The following GABRB1 variants were observed in gnomAD, a reference collection of about 807,000 sequenced individuals.
GABRB1 encodes the protein gamma-aminobutyric acid receptor subunit beta-1.
Under a neutral mutation model 51.6 loss-of-function variants are expected in GABRB1, and 17 were observed. That is an observed-to-expected ratio of 0.33 (90% CI 0.23 to 0.49). The LOEUF (loss-of-function observed/expected upper bound fraction) is 0.49. Ranked by LOEUF, GABRB1 falls within the 20% of genes least tolerant of loss-of-function variation. The pLI, the probability that GABRB1 is intolerant of heterozygous loss-of-function variation, is 0.99. For missense variants in GABRB1, 410 were observed against 600.6 expected, an observed-to-expected ratio of 0.68 and a Z score of 3.32; for synonymous variants, 247 against 218.9, an observed-to-expected ratio of 1.13 and a Z score of -1.14.
intron 5 of GABRB1, among the ~76,000 whole-genome samples, chr4:47,332,636 G>T (rs1036172657): frequency 4.6e-5 from 7 of 152,042 alleles, no homozygotes; most frequent in African/African-American, 1.7e-4. Flanking sequence ...GTGGAAGGTG[G>T]GTCCTAGCAC....
chr4:47,314,297 T>C (rs1056528893), intron 4 of GABRB1, among the ~76,000 whole-genome samples: 1 of 151,944 alleles, frequency 6.6e-6, no homozygotes, highest in South Asian at 2.1e-4. Context: ...AAAGTTGGGT[T>C]TTTTAAAAAT....
intron 5 of GABRB1, among the ~76,000 whole-genome samples, chr4:47,328,605 A>C (rs1725342604): frequency 1.3e-5 from 2 of 152,218 alleles, no homozygotes; most frequent in Non-Finnish European, 2.9e-5. Context: ...TGATGAGTTC[A>C]TATCCTTTGT....
chr4:47,119,510 CTTTTTTTTTT>C (rs71195603), intron 3 of GABRB1, among the ~76,000 whole-genome samples: 1 of 139,192 alleles, frequency 7.2e-6, no homozygotes, highest in Non-Finnish European at 1.6e-5. Context: ...CTTTTTCTTT[CTTTTTTTTTT>C]TTTTTGAGAC....
At chr4:47,225,896 C>CAAA (rs1720929865) in intron 4 of GABRB1, among the ~76,000 whole-genome samples, 1 of 151,960 alleles carries the variant, frequency 6.6e-6, no homozygotes, top group African/African-American at 2.4e-5. Flanking sequence ...ATTGATCATC[C>CAAA]AAAAATATCA....
intron 4 of GABRB1, among the ~76,000 whole-genome samples, chr4:47,171,631 A>T (rs1718438507): frequency 6.6e-6 from 1 of 152,124 alleles, no homozygotes; most frequent in Admixed American, 6.5e-5. Context: ...TTTAAAGAAA[A>T]CTTTCATTAG....
At chr4:47,154,774 G>A (rs1298133922) in intron 3 of GABRB1, among the ~76,000 whole-genome samples, 1 of 152,042 alleles carries the variant, frequency 6.6e-6, no homozygotes, top group African/African-American at 2.4e-5. Context: ...GACAGTCTTC[G>A]TGAACCTGTT....
chr4:47,218,814 C>T (rs971664148), intron 4 of GABRB1, among the ~76,000 whole-genome samples: 1 of 151,796 alleles, frequency 6.6e-6, no homozygotes, highest in Non-Finnish European at 1.5e-5. Flanking sequence ...TGAAACAGTG[C>T]TCCACCATCT....
At chr4:47,169,912 G>A (rs1327187312) in intron 4 of GABRB1, among the ~76,000 whole-genome samples, 1 of 152,154 alleles carries the variant, frequency 6.6e-6, no homozygotes, top group Non-Finnish European at 1.5e-5. Flanking sequence ...AGTTGTCTAT[G>A]TATGGTGATT....
intron 1 of GABRB1, among the ~76,000 whole-genome samples, chr4:47,012,084 T>G (rs1436819654): frequency 6.6e-6 from 1 of 152,216 alleles, no homozygotes; most frequent in African/African-American, 2.4e-5. Flanking sequence ...AAACACCATA[T>G]TGAATTTGGT....
chr4:47,176,634 G>T (rs1212109604), intron 4 of GABRB1, among the ~76,000 whole-genome samples: 1 of 152,010 alleles, frequency 6.6e-6, no homozygotes, highest in Non-Finnish European at 1.5e-5. Context: ...TAATGGCCTT[G>T]GTGACTGTAT....
Position 47,043,527 on chromosome 4 carries a change from T to C in GABRB1, c.240+11043T>C, listed in dbSNP as rs1334161605. Among the ~76,000 whole-genome samples, 4 of 152,232 alleles carry C rather than the reference T, an allele frequency of 2.6e-5. No individual in the cohort carries two copies. In the South Asian group the frequency reaches 8.3e-4, roughly 32 times the overall value. ...GTTACCAGACATAAATTTAACTTGA[T>C]GAATTATGTGTTTGCATAGTCACTG... On this transcript the variant is annotated intron_variant, in intron 3 of 8. Coordinates refer to ENST00000295454, the MANE Select transcript of GABRB1 (RefSeq NM_000812.4).
intron 5 of GABRB1, among the ~76,000 whole-genome samples, chr4:47,377,798 G>A (rs1476371505): frequency 6.6e-6 from 1 of 152,126 alleles, no homozygotes; most frequent in Non-Finnish European, 1.5e-5. Context: ...CCCCACCAGA[G>A]TAGCTAGATA....
chr4:47,326,894 G>A (rs2109970003), intron 5 of GABRB1, among the ~76,000 whole-genome samples: 1 of 152,136 alleles, frequency 6.6e-6, no homozygotes, highest in East Asian at 1.9e-4. Flanking sequence ...TTCCATGCTT[G>A]TTGTTTCTTT....
chr4:47,161,329 C>T lies in GABRB1; in HGVS notation c.321C>T (p.Thr107=), dbSNP rs577725318. Reference sequence around the variant, plus strand: ...ATTCTGGAATCCCACTGAACCTCACCCTAGACAATAGGGTAGCTGACCAAC... The same window carrying T: ...ATTCTGGAATCCCACTGAACCTCACTCTAGACAATAGGGTAGCTGACCAAC... ...LSYSGIPLNL[T]LDNRVADQLW... Residue 107 remains threonine (T), a synonymous_variant, in exon 4 of 9, where the codon ACC becomes ACT. Coordinates refer to ENST00000295454, the MANE Select transcript of GABRB1 (RefSeq NM_000812.4). The T allele has an allele frequency of 6.2e-7, 1 of 1,612,552 alleles. No homozygotes were observed. The highest frequency in any genetic ancestry group is 2.2e-5 in the East Asian group (1 of 44,830).
chr4:47,187,761 T>C (rs1161630566), intron 4 of GABRB1, among the ~76,000 whole-genome samples: 1 of 151,822 alleles, frequency 6.6e-6, no homozygotes, highest in Non-Finnish European at 1.5e-5. Context: ...CTCCCAAACC[T>C]CATTTCCTTA....
intron 4 of GABRB1, among the ~76,000 whole-genome samples, chr4:47,213,185 G>A (rs557855823): frequency 8.9e-4 from 136 of 152,150 alleles, no homozygotes; most frequent in African/African-American, 3.2e-3. Context: ...TCCATAATCA[G>A]TAAAGATAAT....
intron 4 of GABRB1, 110 bp downstream of exon 4, chr4:47,161,579 A>T: frequency 2.6e-6 from 2 of 784,190 alleles, no homozygotes; most frequent in Non-Finnish European, 4.1e-6. Context: ...TGAATATATA[A>T]ATGGGGTGTC....
intron 4 of GABRB1, among the ~76,000 whole-genome samples, chr4:47,222,091 A>G (rs1000810069): frequency 6.6e-6 from 1 of 152,130 alleles, no homozygotes; most frequent in Non-Finnish European, 1.5e-5. Flanking sequence ...GCAAATGTAC[A>G]TCTGTTTACG....
intron 8 of GABRB1, among the ~76,000 whole-genome samples, chr4:47,419,029 GCT>G (rs1319132750): frequency 6.6e-6 from 1 of 152,112 alleles, no homozygotes; most frequent in African/African-American, 2.4e-5. Flanking sequence ...GATATATACA[GCT>G]CTCTTTTTTC....
Sources: gnomAD v4.1 joint callset for allele counts (sites outside exome capture counted in the v4.1 genomes callset) on GRCh38, gnomAD v4.1.1 for gene constraint, MANE v1.5 for transcripts, NCBI Gene and HGNC (gene_info 2026-07-23, HGNC 2026-07-21) for gene names.